ADARB1: variants seen among roughly 807,000 people sequenced by gnomAD.
ADARB1 encodes adenosine deaminase RNA specific B1, also known as double-stranded RNA-specific editase 1.
Under a neutral mutation model 52.4 loss-of-function variants are expected in ADARB1, and 10 were observed. That is an observed-to-expected ratio of 0.19 (90% confidence interval 0.12 to 0.32). The LOEUF is 0.32. ADARB1 is among the 10% of genes least tolerant of loss of function. The pLI, the probability that ADARB1 is intolerant of heterozygous loss-of-function variation, is 1.00. For synonymous variants in ADARB1, 349 were observed against 371.1 expected (o/e 0.94, Z 0.68); for missense variants, 643 against 922.3 (o/e 0.70, Z 3.92).
chr21:45,127,570 T>C (rs886136008), intron 1 of ADARB1, among the ~76,000 whole-genome samples: 1 of 152,158 alleles, frequency 6.6e-6, no homozygotes, highest in African/African-American at 2.4e-5. Flanking sequence ...CTCTGAGGAC[T>C]GCAGCAGCGA....
intron 2 of ADARB1, among the ~76,000 whole-genome samples, chr21:45,160,126 C>CCCAT (rs1437602886): frequency 1.3e-5 from 2 of 152,202 alleles, no homozygotes; most frequent in African/African-American, 4.8e-5. Context: ...TGCCTCCAGG[C>CCCAT]CCATCGGGTA....
intron 1 of ADARB1, among the ~76,000 whole-genome samples, chr21:45,111,071 C>T (rs886466309): frequency 2.6e-5 from 4 of 152,108 alleles, no homozygotes; most frequent in Non-Finnish European, 5.9e-5. Flanking sequence ...AGCAGGAAAG[C>T]GCACAAGAGG....
intron 2 of ADARB1, among the ~76,000 whole-genome samples, chr21:45,139,632 G>T (rs1036007635): frequency 2.6e-5 from 4 of 152,148 alleles, no homozygotes; most frequent in Admixed American, 1.3e-4. Flanking sequence ...CGGGCGCAGC[G>T]AGCGTGGTGA....
intron 8 of ADARB1, among the ~76,000 whole-genome samples, chr21:45,203,161 C>G (rs1020679338): frequency 6.6e-6 from 1 of 152,180 alleles, no homozygotes; most frequent in African/African-American, 2.4e-5. Flanking sequence ...ATACCGCCCC[C>G]TCCCTCATCA....
At chr21:45,163,446 G>C (rs894856234) in intron 2 of ADARB1, among the ~76,000 whole-genome samples, 14 of 152,230 alleles carry the variant, frequency 9.2e-5, no homozygotes, top group African/African-American at 3.4e-4. Flanking sequence ...AGAGCTCAGG[G>C]CCTGGTGGGA....
intron 7 of ADARB1, 140 bp from the exon 8 acceptor site, chr21:45,184,783 T>C: frequency 2.0e-6 from 2 of 980,930 alleles, no homozygotes; most frequent in Non-Finnish European, 3.0e-6. Flanking sequence ...TGTATGTGTA[T>C]TTTGTATGTA....
intron 8 of ADARB1, among the ~76,000 whole-genome samples, chr21:45,191,270 CTTCTT>C (rs1300981930): frequency 6.6e-6 from 1 of 152,118 alleles, no homozygotes; most frequent in Non-Finnish European, 1.5e-5. Context: ...TGTTCTATAT[CTTCTT>C]TTGTTATACC....
intron 1 of ADARB1, among the ~76,000 whole-genome samples, chr21:45,097,211 G>A (rs1281126054): frequency 6.6e-6 from 1 of 152,190 alleles, no homozygotes; most frequent in African/African-American, 2.4e-5. Flanking sequence ...TTTCCACTGT[G>A]AGATGGTCAC....
At chr21:45,117,571 A>G (rs1441774622) in intron 1 of ADARB1, among the ~76,000 whole-genome samples, 1 of 149,628 alleles carries the variant, frequency 6.7e-6, no homozygotes, top group East Asian at 2.0e-4. Context: ...GTTCTTTCAC[A>G]GTTAAAAAAA....
chr21:45,092,406 G>T (rs1184108717), intron 1 of ADARB1, among the ~76,000 whole-genome samples: 1 of 152,120 alleles, frequency 6.6e-6, no homozygotes, highest in East Asian at 1.9e-4. Context: ...TTTTAAAAAT[G>T]AACATAAACA....
At chr21:45,113,303 G>A (rs1176419772) in intron 1 of ADARB1, among the ~76,000 whole-genome samples, 1 of 152,068 alleles carries the variant, frequency 6.6e-6, no homozygotes, top group Non-Finnish European at 1.5e-5. Flanking sequence ...CACACCTGTA[G>A]TCCCAGCTAC....
intron 8 of ADARB1, among the ~76,000 whole-genome samples, chr21:45,187,667 C>T (rs560224166): frequency 3.9e-5 from 6 of 152,144 alleles, no homozygotes; most frequent in African/African-American, 1.2e-4. Context: ...TCCTTTATTA[C>T]GTTGAGTTAG....
At chr21:45,141,707 G>A (rs533546122) in intron 2 of ADARB1, among the ~76,000 whole-genome samples, 17 of 146,034 alleles carry the variant, frequency 1.2e-4, no homozygotes, top group Non-Finnish European at 1.1e-4. Context: ...CCTGGGCCAT[G>A]TTAGCCACCA....
At chr21:45,143,914 A>G (rs1161978172) in intron 2 of ADARB1, among the ~76,000 whole-genome samples, 1 of 152,150 alleles carries the variant, frequency 6.6e-6, no homozygotes, top group Admixed American at 6.5e-5. Context: ...ACGGCAGTTC[A>G]TCTTTTATGA....
At chr21:45,125,468 G>T (rs2088515294) in intron 1 of ADARB1, among the ~76,000 whole-genome samples, 1 of 152,260 alleles carries the variant, frequency 6.6e-6, no homozygotes. Context: ...GAGCATCTGA[G>T]TTGGCTCCCC....
chr21:45,169,973 G>C lies in ADARB1; in HGVS notation c.-47-1637G>C, dbSNP rs771791366. Among the ~76,000 whole-genome samples the C allele has an allele frequency of 7.4e-4, 112 of 152,318 alleles. No homozygotes were observed. In the Middle Eastern group the frequency reaches 0.014, roughly 19 times the overall value. On this transcript the variant is annotated intron_variant, in intron 2 of 10. Coordinates refer to ENST00000348831, the MANE Select transcript of ADARB1 (RefSeq NM_001112.4). ...CTGAGGGCATCTGCCCTGACTGCAG[G>C]GGTCTTGCCCTCTGTGCCTACATCT...
intron 9 of ADARB1, among the ~76,000 whole-genome samples, chr21:45,207,785 T>C (rs1299128002): frequency 1.3e-5 from 2 of 152,194 alleles, no homozygotes; most frequent in Non-Finnish European, 2.9e-5. Flanking sequence ...TAGTGAATTG[T>C]AGTGTCTTTA....
At chr21:45,171,552 T>C (rs1171929829) in intron 2 of ADARB1, 58 bp from the exon 3 acceptor site, 1 of 1,035,736 alleles carries the variant, frequency 9.7e-7, no homozygotes, top group Admixed American at 2.1e-5. Flanking sequence ...AGAGTAGACT[T>C]ACTTCATATT....
chr21:45,211,949 G>C (rs1408823217), intron 9 of ADARB1, among the ~76,000 whole-genome samples: 1 of 152,134 alleles, frequency 6.6e-6, no homozygotes, highest in Non-Finnish European at 1.5e-5. Flanking sequence ...GGTTAGTATT[G>C]GAAGCTCGGG....
Sources: allele counts gnomAD v4.1 joint callset (sites outside exome capture counted in the v4.1 genomes callset), GRCh38; gene constraint gnomAD v4.1.1; transcripts MANE v1.5; gene names NCBI Gene and HGNC (gene_info 2026-07-23, HGNC 2026-07-21).